RANBP2: variants seen among roughly 807,000 people sequenced by gnomAD.
The protein encoded by RANBP2 is RAN binding protein 2, also known as E3 SUMO-protein ligase RanBP2.
In RANBP2, 57 loss-of-function variants were observed where a neutral mutation model predicts 303.6. That is an observed-to-expected ratio of 0.19 (90% confidence interval 0.15 to 0.23). RANBP2 has a LOEUF of 0.23. Among genes scored for constraint, RANBP2 ranks in the 10% least tolerant of loss-of-function variants. The probability of loss-of-function intolerance (pLI) is 1.00; values close to 1 mark genes in which losing one functional copy is unlikely to be tolerated. For synonymous variants in RANBP2, 1,167 were observed against 1,301.5 expected, an observed-to-expected ratio of 0.90 and a Z score of 2.23; for missense variants, 3,138 against 3,780.8, an observed-to-expected ratio of 0.83 and a Z score of 4.46.
the RANBP2 span, chr2:109,732,718 T>C: frequency 3.0e-5 from 19 of 625,166 alleles, no homozygotes; most frequent in Admixed American, 3.5e-4. Flanking sequence ...TCCGCCCGCC[T>C]TGGTTTATGT....
the RANBP2 span, among the ~76,000 whole-genome samples, chr2:109,659,001 G>C: frequency 6.6e-6 from 1 of 152,168 alleles, no homozygotes; most frequent in African/African-American, 2.4e-5. Context: ...GGAGGCAGAG[G>C]CTGCAGTAAG....
the RANBP2 span, among the ~76,000 whole-genome samples, chr2:109,201,589 G>A: frequency 6.6e-6 from 1 of 152,180 alleles, no homozygotes; most frequent in Non-Finnish European, 1.5e-5. Context: ...GTCTCTGAAA[G>A]TGTGATCTGG....
At chr2:109,545,603 A>G in the RANBP2 span, 2 of 1,532,382 alleles carry the variant, frequency 1.3e-6, no homozygotes, top group Non-Finnish European at 1.7e-6. Flanking sequence ...AAAAAACTGA[A>G]CCTAAGAATT....
At chr2:109,755,139 TTTAAAGGCTCA>T in the RANBP2 span, among the ~76,000 whole-genome samples, 2 of 107,190 alleles carry the variant, frequency 1.9e-5, no homozygotes, top group Admixed American at 2.0e-4. Context: ...ACTTCACATA[TTTAAAGGCTCA>T]TTCCCACAAA....
chr2:109,733,001 G>C, the RANBP2 span: 2 of 583,986 alleles, frequency 3.4e-6, no homozygotes, highest in Non-Finnish European at 6.7e-6. Flanking sequence ...TCGTCCTTGA[G>C]ATGATTATTG....
At chr2:108,777,786 T>G (rs529595051) in intron 25 of RANBP2, among the ~76,000 whole-genome samples, 3 of 152,158 alleles carry the variant, frequency 2.0e-5, no homozygotes, top group Non-Finnish European at 4.4e-5. Context: ...GGCCATCCAT[T>G]ATATTTTTTC....
At chr2:109,707,619 A>G in the RANBP2 span, among the ~76,000 whole-genome samples, 2 of 152,032 alleles carry the variant, frequency 1.3e-5, no homozygotes, top group Admixed American at 1.3e-4. Flanking sequence ...TGACCCAGCC[A>G]CTGAAGGGAG....
chr2:108,722,369 G>A (rs1280277388), intron 1 of RANBP2, among the ~76,000 whole-genome samples: 1 of 152,004 alleles, frequency 6.6e-6, no homozygotes, highest in African/African-American at 2.4e-5. Flanking sequence ...GTAAAGTTAG[G>A]TTTGAGTGAA....
At chr2:109,566,536 T>A in the RANBP2 span, among the ~76,000 whole-genome samples, 3 of 152,180 alleles carry the variant, frequency 2.0e-5, no homozygotes, top group Non-Finnish European at 4.4e-5. Flanking sequence ...AACTATACAA[T>A]AGTGTATTCC....
At chr2:108,854,693 A>G in the RANBP2 span, among the ~76,000 whole-genome samples, 1 of 152,082 alleles carries the variant, frequency 6.6e-6, no homozygotes, top group Non-Finnish European at 1.5e-5. Flanking sequence ...TCATCTGGAT[A>G]TTTGGCTGGG....
the RANBP2 span, among the ~76,000 whole-genome samples, chr2:109,168,812 G>A: frequency 2.0e-5 from 3 of 152,200 alleles, no homozygotes; most frequent in Non-Finnish European, 4.4e-5. Flanking sequence ...TGTCTTCCTG[G>A]TGGGCAACTG....
the RANBP2 span, among the ~76,000 whole-genome samples, chr2:109,474,027 CT>C: frequency 3.9e-5 from 6 of 152,150 alleles, no homozygotes; most frequent in Non-Finnish European, 8.8e-5. Flanking sequence ...ATGCTGGAGA[CT>C]TTCTGTGCCT....
chr2:109,747,582 C>T, the RANBP2 span, among the ~76,000 whole-genome samples: 3 of 150,666 alleles, frequency 2.0e-5, no homozygotes, highest in Non-Finnish European at 4.4e-5. Flanking sequence ...AATCCCGTCT[C>T]TACTAAAAAT....
chr2:108,748,842 G>A, intron 8 of RANBP2, 78 bp from the exon 9 acceptor site: 1 of 1,610,834 alleles, frequency 6.2e-7, no homozygotes, highest in Non-Finnish European at 8.5e-7. Flanking sequence ...TTCCCCTTTG[G>A]GTATACAAAT....
chr2:108,792,061 G>C, the RANBP2 span, among the ~76,000 whole-genome samples: 3 of 152,124 alleles, frequency 2.0e-5, no homozygotes, highest in Non-Finnish European at 4.4e-5. Flanking sequence ...AGATGATTGT[G>C]GTAGTATTTG....
the RANBP2 span, among the ~76,000 whole-genome samples, chr2:109,053,140 T>C: frequency 6.6e-6 from 1 of 152,226 alleles, no homozygotes; most frequent in Non-Finnish European, 1.5e-5. Flanking sequence ...CTCCAGGTAC[T>C]GGATCTCCAG....
the RANBP2 span, among the ~76,000 whole-genome samples, chr2:108,846,505 C>A: frequency 3.3e-5 from 5 of 150,938 alleles, no homozygotes; most frequent in East Asian, 9.7e-4. Context: ...TTAGTGAGAC[C>A]CATCTCTACC....
At chr2:109,195,968 C>T in the RANBP2 span, among the ~76,000 whole-genome samples, 29 of 152,216 alleles carry the variant, frequency 1.9e-4, no homozygotes, top group African/African-American at 6.0e-4. Flanking sequence ...ACCTTGCGGG[C>T]CTTCTGGAGA....
chr2:109,306,535 G>A, the RANBP2 span, among the ~76,000 whole-genome samples: 1 of 152,204 alleles, frequency 6.6e-6, no homozygotes, highest in South Asian at 2.1e-4. Flanking sequence ...ACCTGCCCTT[G>A]TGGATGCTTT....
Sources: allele counts gnomAD v4.1 joint callset (sites outside exome capture counted in the v4.1 genomes callset), GRCh38; gene constraint gnomAD v4.1.1; transcripts MANE v1.5; gene names NCBI Gene and HGNC (gene_info 2026-07-23, HGNC 2026-07-21).